The following BCL2L12 variants were observed in gnomAD, a reference collection of about 807,000 sequenced individuals.
BCL2L12 encodes bcl-2-like protein 12.
A neutral mutation model predicts 25.7 loss-of-function variants in BCL2L12; 27 were observed. The ratio of observed to expected loss-of-function variants is 1.05; its 90% confidence interval spans 0.78 to 1.45. The LOEUF (loss-of-function observed/expected upper bound fraction) is 1.45, where lower values mean the gene tolerates loss of function less well. BCL2L12 is among the 40% of genes most tolerant of loss of function. The pLI is 0.00. For missense variants in BCL2L12, 302 were observed against 329.8 expected (o/e 0.92, Z 0.65); for synonymous variants, 132 against 145.6 (o/e 0.91, Z 0.67).
intron 6 of BCL2L12, 73 bp from the exon 7 acceptor site, chr19:49,673,625 G>A (rs1256076566): frequency 4.8e-6 from 6 of 1,261,210 alleles, no homozygotes; most frequent in Non-Finnish European, 7.0e-6. Context: ...AATCTCACAG[G>A]GCTGATGTGG....
At chr19:49,671,730 C>T (rs747292580) in intron 6 of BCL2L12, among the ~76,000 whole-genome samples, 1 of 152,170 alleles carries the variant, frequency 6.6e-6, no homozygotes, top group Non-Finnish European at 1.5e-5. Context: ...TGTGCACTGC[C>T]TGGCATGCAG....
chr19:49,665,777 A>G, upstream of BCL2L12: 1 of 1,556,110 alleles, frequency 6.4e-7, no homozygotes, highest in South Asian at 1.2e-5. Context: ...CGACTTCTTG[A>G]AATAAAACCA....
In BCL2L12 at chr19:49,673,855, C is replaced by T; in HGVS notation, c.*107C>T. 7.5e-7 allele frequency: 1 copy of T among 1,333,290 alleles called. No individual in the cohort carries two copies. The highest frequency in any genetic ancestry group is 2.4e-5 in the East Asian group (1 of 41,928). The allele number at this position is 1,333,290 out of a possible 1,614,324, so 82.6% of individuals were successfully genotyped here. ...TCAGGGCTGTGGGGTGGTGGTTGCC[C>T]TACCTGTTTTTGCCAAAAATAAATT... On this transcript the variant is annotated 3_prime_UTR_variant, in exon 7 of 7. Transcript: ENST00000246784.
upstream of BCL2L12, chr19:49,665,929 C>A (rs1185432030): frequency 1.2e-6 from 2 of 1,613,790 alleles, no homozygotes; most frequent in Non-Finnish European, 1.7e-6. Context: ...ACCCAGCGTT[C>A]CGCCCTTTCT....
At chr19:49,668,256 C>T (rs1030847982) in intron 3 of BCL2L12, among the ~76,000 whole-genome samples, 21 of 151,868 alleles carry the variant, frequency 1.4e-4, no homozygotes, top group Non-Finnish European at 2.1e-4. Flanking sequence ...CCACCATGCC[C>T]GGCTAATTTT....
rs963784573 is a variant in BCL2L12, at chr19:49,672,723, G to A, written c.703-975G>A. On this transcript the variant is annotated intron_variant, in intron 6 of 6. Coordinates refer to ENST00000246784, the MANE Select transcript of BCL2L12 (RefSeq NM_138639.2). The surrounding 1 kb of genome is among the most constrained non-coding windows in gnomAD (Gnocchi z 4.1). The stretch of plus-strand genomic sequence containing the variant: ...TGCAGGGCGACATCTTAAGTTCCCC[G>A]AGATGGGGAAGGTGTGGGGATGGGG... Among the ~76,000 whole-genome samples, 1 of 151,276 alleles carries A rather than the reference G, an allele frequency of 6.6e-6. No homozygotes were observed. Among genetic ancestry groups the A allele is most frequent in the African/African-American group, 2.4e-5 (1 of 41,092 alleles).
In BCL2L12 at chr19:49,667,006, T is replaced by A. The variant is rs766404360; in HGVS notation, c.108-13T>A. 6.2e-7 allele frequency: 1 copy of A among 1,612,774 alleles called. No homozygotes were observed. Among genetic ancestry groups the A allele is most frequent in the East Asian group, 2.2e-5 (1 of 44,876 alleles). On this transcript the variant is annotated splice_polypyrimidine_tract_variant and intron_variant, in intron 2 of 6. Transcript: ENST00000246784. Reference sequence around the variant, plus strand: ...TCTCTGGTGGGGTCAGTCTCTGAAGTCCTCCTCTCCAGAAGCCCTGCCCAA... The same window carrying A: ...TCTCTGGTGGGGTCAGTCTCTGAAGACCTCCTCTCCAGAAGCCCTGCCCAA...
At chr19:49,665,736 A>G, upstream of BCL2L12, 1 of 1,488,252 alleles carries the variant, frequency 6.7e-7, no homozygotes, top group Non-Finnish European at 9.0e-7. Context: ...CCGTCAGCTG[A>G]GCTCTAGAGC....
intron 4 of BCL2L12, 35 bp downstream of exon 4, chr19:49,668,972 GT>G: frequency 6.2e-7 from 1 of 1,613,968 alleles, no homozygotes. Context: ...AAGGATGGCG[GT>G]GGGAGGATAG....
intron 6 of BCL2L12, 86 bp downstream of exon 6, chr19:49,670,574 C>T (rs2081941443): frequency 3.4e-6 from 5 of 1,474,862 alleles, no homozygotes; most frequent in Admixed American, 5.2e-5. Context: ...TTAGGTTCCT[C>T]TCAGACCTCA....
chr19:49,672,892 G>T lies in BCL2L12; in HGVS notation c.703-806G>T, dbSNP rs2081989323. ...TTATTTTATTTTAATTTTTCAGATGGAGTCTCACTCTATTGCCCAGACTGG... is the reference window on the plus strand; with the variant it reads ...TTATTTTATTTTAATTTTTCAGATGTAGTCTCACTCTATTGCCCAGACTGG... On this transcript the variant is annotated intron_variant, in intron 6 of 6. Transcript: ENST00000246784. The surrounding 1 kb of genome is among the most constrained non-coding windows in gnomAD (Gnocchi z 4.1). Among the ~76,000 whole-genome samples, 1 of 152,136 alleles carries T rather than the reference G, an allele frequency of 6.6e-6. No homozygotes were observed. The highest frequency in any genetic ancestry group is 2.4e-5 in the African/African-American group (1 of 41,422).
chr19:49,670,042 G>C (rs1339731633), intron 5 of BCL2L12, among the ~76,000 whole-genome samples, 174 bp from the exon 6 acceptor site: 1 of 152,162 alleles, frequency 6.6e-6, no homozygotes, highest in South Asian at 2.1e-4. Flanking sequence ...CACTATCCCG[G>C]GGGTAGTTTG....
chr19:49,665,587 G>T, upstream of BCL2L12: 1 of 522,586 alleles, frequency 1.9e-6, no homozygotes, highest in Non-Finnish European at 3.4e-6. Flanking sequence ...CCCGCTCCTC[G>T]CTCTCGGACG....
upstream of BCL2L12, chr19:49,665,523 T>G: frequency 3.3e-6 from 1 of 306,554 alleles, no homozygotes; most frequent in Non-Finnish European, 6.1e-6. Context: ...TTGCTCCACT[T>G]TCCCCAGAGT....
chr19:49,665,662 T>C (rs555722266), upstream of BCL2L12: 2 of 959,642 alleles, frequency 2.1e-6, no homozygotes, highest in Non-Finnish European at 3.0e-6. Context: ...TGCGGGCAGC[T>C]GGAACCCACC....
chr19:49,669,463 G>A (rs2081904859), intron 5 of BCL2L12, among the ~76,000 whole-genome samples: 1 of 151,832 alleles, frequency 6.6e-6, no homozygotes, highest in African/African-American at 2.4e-5. Context: ...TTGAGCCCAG[G>A]AGGTGGAGGT....
Position 49,673,566 on chromosome 19 carries a change from C to G in BCL2L12, c.703-132C>G, listed in dbSNP as rs577393097. The stretch of plus-strand genomic sequence containing the variant: ...TCTGTCTGGGTCTCTGTCCCCTTGT[C>G]TGGGTGTCTGTCACCCTCCGCTCTC... On this transcript the variant is annotated intron_variant, in intron 6 of 6. Coordinates refer to ENST00000246784, the MANE Select transcript of BCL2L12 (RefSeq NM_138639.2). 404 of 749,286 alleles carry G rather than the reference C, an allele frequency of 5.4e-4. 2 individuals are homozygous for G. In the African/African-American group the frequency reaches 5.5e-3, roughly 10 times the overall value. The allele number at this position is 749,286 out of a possible 1,614,324, so 46.4% of individuals were successfully genotyped here.
chr19:49,673,671 CAGGG>C (rs2082006439), intron 6 of BCL2L12, 23 bp from the exon 7 acceptor site: 1 of 1,598,146 alleles, frequency 6.3e-7, no homozygotes, highest in African/African-American at 1.3e-5. Context: ...GCCCTGCTCA[CAGGG>C]CTCTGCCACT....
intron 6 of BCL2L12, 24 bp from the exon 7 acceptor site, chr19:49,673,674 G>T (rs745678310): frequency 2.4e-5 from 39 of 1,602,206 alleles, no homozygotes; most frequent in Non-Finnish European, 3.2e-5. Context: ...CTGCTCACAG[G>T]GCTCTGCCAC....
Sources: allele counts gnomAD v4.1 joint callset (sites outside exome capture counted in the v4.1 genomes callset), GRCh38; gene constraint gnomAD v4.1.1; non-coding constraint Gnocchi (gnomAD v3.1); transcripts MANE v1.5; gene names NCBI Gene and HGNC (gene_info 2026-07-23, HGNC 2026-07-21).